Variants in MTMR7 observed in about 807,000 individuals in gnomAD.
MTMR7 encodes the protein myotubularin related protein 7.
MTMR7 carries 76 observed loss-of-function variants against 81.2 expected under a neutral mutation model. That is an observed-to-expected ratio of 0.94 (90% CI 0.78 to 1.13). MTMR7 has a LOEUF of 1.13. Among genes scored for constraint, MTMR7 ranks in the 50% most tolerant of loss-of-function variants. MTMR7 has a pLI of 0.00. For missense variants in MTMR7, 1,044 were observed against 820.0 expected (o/e 1.27, Z -3.34); for synonymous variants, 372 against 289.8 (o/e 1.28, Z -2.88).
intron 3 of MTMR7, among the ~76,000 whole-genome samples, chr8:17,362,404 A>G (rs898997301): frequency 6.6e-6 from 1 of 152,242 alleles, no homozygotes; most frequent in Non-Finnish European, 1.5e-5. Flanking sequence ...ATAAAGGATA[A>G]CTGATACTCA....
chr8:17,333,392 A>G (rs1318187984), intron 6 of MTMR7, among the ~76,000 whole-genome samples: 1 of 152,234 alleles, frequency 6.6e-6, no homozygotes, highest in Non-Finnish European at 1.5e-5. Context: ...ATTATTTTTC[A>G]AAGATGTTGG....
At chr8:17,313,266 A>C in intron 8 of MTMR7, 26 bp downstream of exon 8, 1 of 1,546,706 alleles carries the variant, frequency 6.5e-7, no homozygotes, top group South Asian at 1.1e-5. Flanking sequence ...TCTGTCCCTT[A>C]ATTTATTTTC....
intron 6 of MTMR7, among the ~76,000 whole-genome samples, chr8:17,334,645 T>C (rs1409718782): frequency 6.6e-6 from 1 of 152,216 alleles, no homozygotes; most frequent in African/African-American, 2.4e-5. Context: ...ACACCTACTA[T>C]GGCCAGGCGT....
chr8:17,395,807 C>T (rs564879186), intron 1 of MTMR7, among the ~76,000 whole-genome samples: 129 of 152,166 alleles, frequency 8.5e-4, no homozygotes, highest in African/African-American at 3.0e-3. Context: ...TCCAAGTATA[C>T]AAGTATATTT....
intron 1 of MTMR7, 60 bp downstream of exon 1, chr8:17,413,209 C>A (rs2150592066): frequency 5.3e-6 from 8 of 1,520,546 alleles, no homozygotes; most frequent in Middle Eastern, 1.7e-4. Flanking sequence ...CGCTCAGCAT[C>A]CCTCCTCCTC....
chr8:17,404,336 A>T lies in MTMR7; in HGVS notation c.24+8933T>A, dbSNP rs115421654. 8.3e-3 allele frequency among the ~76,000 whole-genome samples: 1,267 copies of T among 152,298 alleles called. 20 individuals are homozygous for T. Among genetic ancestry groups the T allele is most frequent in the African/African-American group, 0.029 (1,204 of 41,572 alleles). Reference sequence around the variant, plus strand: ...GAACGGTGGATCGCCGAGATTGGAAAGAGTACAAGAGGAGAAAATTGGGTG... The same window carrying T: ...GAACGGTGGATCGCCGAGATTGGAATGAGTACAAGAGGAGAAAATTGGGTG... On this transcript the variant is annotated intron_variant, in intron 1 of 13. Coordinates refer to ENST00000180173, the MANE Select transcript of MTMR7 (RefSeq NM_004686.5).
rs538102393 is a variant in MTMR7, at chr8:17,350,009, C to G, written c.469-928G>C. 5.3e-5 allele frequency among the ~76,000 whole-genome samples: 8 copies of G among 152,316 alleles called. No individual in the cohort carries two copies. In the South Asian group the frequency reaches 1.7e-3, roughly 32 times the overall value. ...GGATCAAATCCGGCAACACCCATGG[C>G]AAAGCACTTTATAAACCACTAAATC... On this transcript the variant is annotated intron_variant, in intron 4 of 13. Transcript: ENST00000180173.
chr8:17,332,061 G>A (rs1819029313), intron 6 of MTMR7, among the ~76,000 whole-genome samples: 1 of 152,108 alleles, frequency 6.6e-6, no homozygotes, highest in South Asian at 2.1e-4. Context: ...ACTTTAGCTG[G>A]GAAATGCATC....
chr8:17,359,238 T>C (rs1819989272), intron 4 of MTMR7, among the ~76,000 whole-genome samples: 1 of 152,174 alleles, frequency 6.6e-6, no homozygotes, highest in South Asian at 2.1e-4. Context: ...TACTTTACAG[T>C]ACATTCATTT....
intron 1 of MTMR7, among the ~76,000 whole-genome samples, chr8:17,400,106 C>T (rs1821381414): frequency 6.6e-6 from 1 of 151,136 alleles, no homozygotes; most frequent in Non-Finnish European, 1.5e-5. Flanking sequence ...GGTTTCTCAT[C>T]AATTTATGTT....
chr8:17,331,536 C>G (rs1274620135), intron 6 of MTMR7, among the ~76,000 whole-genome samples: 2 of 152,136 alleles, frequency 1.3e-5, no homozygotes, highest in African/African-American at 4.8e-5. Flanking sequence ...ACTGATAAAC[C>G]CTTCTGGAGA....
intron 3 of MTMR7, among the ~76,000 whole-genome samples, chr8:17,362,784 T>C (rs1820097488): frequency 6.6e-6 from 1 of 152,190 alleles, no homozygotes; most frequent in African/African-American, 2.4e-5. Flanking sequence ...GTTTCCTAAA[T>C]ACATGTATGT....
chr8:17,408,326 T>C (rs1464484552), intron 1 of MTMR7, among the ~76,000 whole-genome samples: 1 of 59,638 alleles, frequency 1.7e-5, no homozygotes, highest in Non-Finnish European at 5.2e-5. Flanking sequence ...GAGGCGGAGC[T>C]TGCAGTGAGC....
At chr8:17,396,720 C>T (rs559486266) in intron 1 of MTMR7, among the ~76,000 whole-genome samples, 4 of 152,020 alleles carry the variant, frequency 2.6e-5, no homozygotes, top group African/African-American at 7.2e-5. Flanking sequence ...ACTGGGGTAG[C>T]GTGTGGCCTA....
Position 17,361,292 on chromosome 8 carries a change from A to G in MTMR7, c.311-18T>C. On this transcript the variant is annotated intron_variant, in intron 3 of 13. Transcript: ENST00000180173. ...ATATTTCACTGCAAGAAAAGGTAGGATAAAGTTAAATCAAGCTTAGTCAAA... is the reference window on the plus strand; with the variant it reads ...ATATTTCACTGCAAGAAAAGGTAGGGTAAAGTTAAATCAAGCTTAGTCAAA... 2 of 1,613,820 alleles carry G rather than the reference A, an allele frequency of 1.2e-6. No homozygotes were observed. The highest frequency in any genetic ancestry group is 1.7e-6 in the Non-Finnish European group (2 of 1,179,730).
At chr8:17,345,138 G>C (rs932779503) in intron 5 of MTMR7, among the ~76,000 whole-genome samples, 2 of 152,176 alleles carry the variant, frequency 1.3e-5, no homozygotes, top group African/African-American at 4.8e-5. Flanking sequence ...CATAACCCAT[G>C]TGCGTAAGGC....
chr8:17,356,481 T>C (rs892988204), intron 4 of MTMR7, among the ~76,000 whole-genome samples: 1 of 152,074 alleles, frequency 6.6e-6, no homozygotes, highest in Admixed American at 6.6e-5. Context: ...GGCAGATCAC[T>C]TGAGGTCAGG....
At chr8:17,331,052 C>G in intron 7 of MTMR7, 98 bp downstream of exon 7, 4 of 1,396,864 alleles carry the variant, frequency 2.9e-6, no homozygotes, top group Non-Finnish European at 2.9e-6. Context: ...AATTATCACA[C>G]CTATGTAAAA....
intron 4 of MTMR7, among the ~76,000 whole-genome samples, chr8:17,350,527 C>G (rs538244889): frequency 1.3e-5 from 2 of 152,282 alleles, no homozygotes; most frequent in African/African-American, 2.4e-5. Flanking sequence ...TACCTCCCAC[C>G]GGGTCCCTCC....
Sources: allele counts gnomAD v4.1 joint callset (sites outside exome capture counted in the v4.1 genomes callset), GRCh38; gene constraint gnomAD v4.1.1; transcripts MANE v1.5; gene names NCBI Gene and HGNC (gene_info 2026-07-23, HGNC 2026-07-21).